Variants in KIF5C observed in about 807,000 individuals in gnomAD.
The protein encoded by KIF5C is kinesin family member 5C.
KIF5C carries 18 observed loss-of-function variants against 125.2 expected under a neutral mutation model. The observed-to-expected ratio is 0.14, with a 90% confidence interval of 0.10 to 0.21. KIF5C has a LOEUF of 0.21. Among genes scored for constraint, KIF5C ranks in the 10% least tolerant of loss-of-function variants. The pLI, the probability that KIF5C is intolerant of heterozygous loss-of-function variation, is 1.00. For synonymous variants in KIF5C, 405 were observed against 434.0 expected (o/e 0.93, Z 0.83); for missense variants, 780 against 1,183.8 (o/e 0.66, Z 5.01).
intron 1 of KIF5C, among the ~76,000 whole-genome samples, chr2:148,915,848 G>C (rs1389735386): frequency 6.6e-6 from 1 of 152,218 alleles, no homozygotes; most frequent in Admixed American, 6.5e-5. Context: ...GGTAATGGGA[G>C]CCTCATCCCA....
intron 1 of KIF5C, chr2:148,877,205 C>T (rs1254555024): frequency 6.6e-6 from 1 of 152,336 alleles, no homozygotes; most frequent in Non-Finnish European, 1.5e-5. Context: ...AAGGCTCTGG[C>T]CTCAGGGCTT....
chr2:148,902,399 C>G (rs1404428827), intron 1 of KIF5C, among the ~76,000 whole-genome samples: 1 of 152,148 alleles, frequency 6.6e-6, no homozygotes, highest in Non-Finnish European at 1.5e-5. Context: ...TCACTGCAAT[C>G]TCTGCCTCCC....
intron 1 of KIF5C, chr2:148,879,897 A>T (rs1182667251): frequency 3.3e-5 from 5 of 152,170 alleles, no homozygotes; most frequent in African/African-American, 7.2e-5. Flanking sequence ...TCAGCCACAA[A>T]CCCTAAGCTG....
intron 7 of KIF5C, among the ~76,000 whole-genome samples, chr2:148,946,124 G>T (rs937234044): frequency 6.6e-6 from 1 of 152,126 alleles, no homozygotes; most frequent in Non-Finnish European, 1.5e-5. Flanking sequence ...ATATAGAAAT[G>T]CAACTGATTT....
In KIF5C at chr2:148,978,132, A is replaced by G. The variant is rs141511731; in HGVS notation, c.1294-790A>G. Among the ~76,000 whole-genome samples the G allele has an allele frequency of 2.9e-3, 449 of 152,256 alleles. 1 individual carries two copies. Among genetic ancestry groups the G allele is most frequent in the African/African-American group, 1.0e-2 (414 of 41,560 alleles). Reference sequence around the variant, plus strand: ...GACTGTGTTTTTTATGTAGTTAGGCATCATCTGCCTGCTGCTTTGCCTGCA... The same window carrying G: ...GACTGTGTTTTTTATGTAGTTAGGCGTCATCTGCCTGCTGCTTTGCCTGCA... On this transcript the variant is annotated intron_variant, in intron 12 of 25. Transcript: ENST00000435030.
chr2:148,930,402 C>A (rs1214217584), intron 3 of KIF5C, among the ~76,000 whole-genome samples: 1 of 151,830 alleles, frequency 6.6e-6, no homozygotes, highest in Non-Finnish European at 1.5e-5. Context: ...AGGTGAGGCC[C>A]ACTTGATAGG....
chr2:149,010,028 C>A, intron 23 of KIF5C, 107 bp from the exon 24 acceptor site: 2 of 1,449,944 alleles, frequency 1.4e-6, no homozygotes, highest in Non-Finnish European at 1.8e-6. Context: ...CCAAGGACAA[C>A]CTAGCAGGGG....
At chr2:148,908,743 A>G (rs1681214621) in intron 1 of KIF5C, among the ~76,000 whole-genome samples, 1 of 152,222 alleles carries the variant, frequency 6.6e-6, no homozygotes, top group Non-Finnish European at 1.5e-5. Flanking sequence ...AATCAGTCAT[A>G]ACTGTTTAGT....
intron 11 of KIF5C, among the ~76,000 whole-genome samples, chr2:148,963,382 G>A (rs911730047): frequency 1.3e-5 from 2 of 152,124 alleles, no homozygotes; most frequent in Non-Finnish European, 2.9e-5. Context: ...GTGATTACAC[G>A]TTTGCCACTG....
intron 10 of KIF5C, among the ~76,000 whole-genome samples, chr2:148,955,364 G>C (rs1472848215): frequency 6.6e-6 from 1 of 152,134 alleles, no homozygotes; most frequent in Non-Finnish European, 1.5e-5. Flanking sequence ...CTTTAAGCAA[G>C]GCAGATTACT....
chr2:148,976,221 T>TATAA (rs371208491), intron 12 of KIF5C, among the ~76,000 whole-genome samples: 1 of 152,026 alleles, frequency 6.6e-6, no homozygotes, highest in African/African-American at 2.4e-5. Flanking sequence ...GTTTCTCATT[T>TATAA]ATAAGGGTGT....
chr2:148,944,364 G>C (rs1682477297), intron 7 of KIF5C, among the ~76,000 whole-genome samples: 1 of 152,068 alleles, frequency 6.6e-6, no homozygotes, highest in Admixed American at 6.5e-5. Flanking sequence ...CTATGAATTT[G>C]ACTGCTCTAG....
intron 1 of KIF5C, among the ~76,000 whole-genome samples, chr2:148,898,538 G>A (rs1680753266): frequency 6.6e-6 from 1 of 152,174 alleles, no homozygotes; most frequent in Non-Finnish European, 1.5e-5. Flanking sequence ...ATTCTTAAAT[G>A]GGGAAGAAGG....
rs1057364773 is a variant in KIF5C at position 148,924,253 on chromosome 2, A to T, written c.217+2026A>T. On this transcript the variant is annotated intron_variant, in intron 2 of 25. Coordinates refer to ENST00000435030, the MANE Select transcript of KIF5C (RefSeq NM_004522.3). This position sits in a 1 kb window ranked among gnomAD's most constrained non-coding sequence, Gnocchi z 4.0. ...CTCTTGCCATGAGTAACCCTATTTA[A>T]ATCAAGATTGGGAGGCGGTGCTGTG... Among the ~76,000 whole-genome samples, 1 of 152,152 alleles carries T rather than the reference A, an allele frequency of 6.6e-6. No homozygotes were observed. The highest frequency in any genetic ancestry group is 2.4e-5 in the African/African-American group (1 of 41,420).
intron 10 of KIF5C, among the ~76,000 whole-genome samples, chr2:148,952,610 C>T (rs1341619996): frequency 6.6e-6 from 1 of 152,078 alleles, no homozygotes; most frequent in Non-Finnish European, 1.5e-5. Flanking sequence ...TGAGCACAGC[C>T]CTTTGGGTCA....
At chr2:148,887,351 A>G (rs1681566366) in intron 1 of KIF5C, among the ~76,000 whole-genome samples, 1 of 151,756 alleles carries the variant, frequency 6.6e-6, no homozygotes, top group Admixed American at 6.6e-5. Flanking sequence ...TAACATTTAG[A>G]TGTGATATTC....
intron 1 of KIF5C, among the ~76,000 whole-genome samples, chr2:148,899,842 C>A (rs1443063660): frequency 6.6e-6 from 1 of 151,884 alleles, no homozygotes; most frequent in African/African-American, 2.4e-5. Context: ...TGAGGTTGGG[C>A]TTTCCCTTCT....
chr2:148,994,339 C>T (rs539291723), intron 16 of KIF5C, 82 bp from the exon 17 acceptor site: 30 of 1,503,648 alleles, frequency 2.0e-5, no homozygotes, highest in East Asian at 2.5e-5. Context: ...CCTCCTCTCT[C>T]GCATTTTCCT....
At chr2:148,956,195 C>T (rs1211044257) in intron 10 of KIF5C, among the ~76,000 whole-genome samples, 5 of 152,134 alleles carry the variant, frequency 3.3e-5, no homozygotes, top group Non-Finnish European at 7.3e-5. Flanking sequence ...TGCTTAACCT[C>T]GGTGGTGGAG....
Sources: gnomAD v4.1 joint callset for allele counts (sites outside exome capture counted in the v4.1 genomes callset) on GRCh38, gnomAD v4.1.1 for gene constraint, Gnocchi (gnomAD v3.1) non-coding constraint, MANE v1.5 for transcripts, NCBI Gene and HGNC (gene_info 2026-07-23, HGNC 2026-07-21) for gene names.